BPGM: variants seen among roughly 807,000 people sequenced by gnomAD.
The protein encoded by BPGM is 2,3-bisphosphoglycerate mutase, erythrocyte.
Under a neutral mutation model 21.6 loss-of-function variants are expected in BPGM, and 15 were observed. That is an observed-to-expected ratio of 0.70 (90% CI 0.47 to 1.07). The LOEUF (loss-of-function observed/expected upper bound fraction) is 1.07. Among genes scored for constraint, BPGM ranks in the 50% least tolerant of loss-of-function variants. BPGM has a pLI of 0.00. For missense variants in BPGM, 273 were observed against 319.0 expected, an observed-to-expected ratio of 0.86 and a Z score of 1.10; for synonymous variants, 113 against 116.2, an observed-to-expected ratio of 0.97 and a Z score of 0.18.
intron 2 of BPGM, among the ~76,000 whole-genome samples, chr7:134,672,781 G>A (rs555074115): frequency 1.3e-5 from 2 of 152,270 alleles, no homozygotes; most frequent in South Asian, 4.1e-4. Context: ...GGCCTTAGGA[G>A]CTCTGCCTGC....
At chr7:134,672,327 TAAAGACAAGGG>T (rs1795918138) in intron 2 of BPGM, among the ~76,000 whole-genome samples, 1 of 151,768 alleles carries the variant, frequency 6.6e-6, no homozygotes, top group South Asian at 2.1e-4. Flanking sequence ...GGTGGACCCT[TAAAGACAAGGG>T]TAGCTGTGAA....
intron 2 of BPGM, among the ~76,000 whole-genome samples, chr7:134,667,631 C>T (rs1353452789): frequency 1.3e-5 from 2 of 152,148 alleles, no homozygotes; most frequent in African/African-American, 2.4e-5. Context: ...TTTATATTTC[C>T]TGTAAGCACA....
At chr7:134,662,975 C>T (rs557505567) in intron 2 of BPGM, among the ~76,000 whole-genome samples, 150 of 152,288 alleles carry the variant, frequency 9.8e-4, no homozygotes, top group Non-Finnish European at 1.7e-3. Flanking sequence ...GTGGATTTCT[C>T]GTTTCCCTCT....
At chr7:134,675,032 T>C (rs1020907354) in intron 2 of BPGM, among the ~76,000 whole-genome samples, 9 of 152,214 alleles carry the variant, frequency 5.9e-5, no homozygotes, top group African/African-American at 2.2e-4. Context: ...AGCCTATTTT[T>C]ATGTACTTAT....
chr7:134,655,073 C>T (rs766594810), intron 1 of BPGM, among the ~76,000 whole-genome samples: 2 of 152,176 alleles, frequency 1.3e-5, no homozygotes, highest in African/African-American at 2.4e-5. Context: ...TGATTAAAAT[C>T]GGTACTTAAG....
intron 2 of BPGM, among the ~76,000 whole-genome samples, chr7:134,677,992 A>G (rs1188012146): frequency 2.6e-5 from 4 of 152,240 alleles, no homozygotes; most frequent in Non-Finnish European, 4.4e-5. Context: ...ATGTCATCAT[A>G]TTGCAATGAT....
intron 1 of BPGM, among the ~76,000 whole-genome samples, chr7:134,660,974 C>T (rs976271920): frequency 6.6e-6 from 1 of 152,154 alleles, no homozygotes; most frequent in Non-Finnish European, 1.5e-5. Flanking sequence ...TTAATAACTT[C>T]TATAATAAGA....
At chr7:134,676,020 A>G (rs1033552562) in intron 2 of BPGM, among the ~76,000 whole-genome samples, 6 of 152,206 alleles carry the variant, frequency 3.9e-5, no homozygotes, top group African/African-American at 1.2e-4. Flanking sequence ...CTACTGTATT[A>G]AAAACCCAAT....
At chr7:134,652,409 T>C (rs982137433) in intron 1 of BPGM, among the ~76,000 whole-genome samples, 2 of 152,230 alleles carry the variant, frequency 1.3e-5, no homozygotes, top group Non-Finnish European at 2.9e-5. Context: ...AGATATACAA[T>C]ATGTAATGAT....
At chr7:134,650,582 C>T (rs1336477935) in intron 1 of BPGM, among the ~76,000 whole-genome samples, 1 of 152,152 alleles carries the variant, frequency 6.6e-6, no homozygotes, top group Non-Finnish European at 1.5e-5. Context: ...TGTGTTTGAA[C>T]TTCTAATAGT....
In BPGM at chr7:134,646,869, C is replaced by T. The variant is rs764105628; in HGVS notation, c.-130C>T. On this transcript the variant is annotated 5_prime_UTR_variant, in exon 1 of 3. Transcript: ENST00000344924. ...GGCGGCAGTGATGAGTCCTAGGAGGCGCTGGCTCTTTGGCGGCTCGGAGGA... is the reference window on the plus strand; with the variant it reads ...GGCGGCAGTGATGAGTCCTAGGAGGTGCTGGCTCTTTGGCGGCTCGGAGGA... 5.4e-5 allele frequency: 10 copies of T among 184,604 alleles called. No individual in the cohort carries two copies. The highest frequency in any genetic ancestry group is 1.1e-4 in the Non-Finnish European group (9 of 85,664). The allele number at this position is 184,604 out of a possible 1,614,324, so 11.4% of individuals were successfully genotyped here.
chr7:134,650,135 G>T (rs957332542), intron 1 of BPGM, among the ~76,000 whole-genome samples: 1 of 152,192 alleles, frequency 6.6e-6, no homozygotes, highest in African/African-American at 2.4e-5. Context: ...TCATATCTAG[G>T]TTGTTTTTAC....
intron 1 of BPGM, among the ~76,000 whole-genome samples, chr7:134,650,340 C>G (rs921216727): frequency 6.6e-6 from 1 of 152,174 alleles, no homozygotes; most frequent in Non-Finnish European, 1.5e-5. Flanking sequence ...ATCTCTTCGC[C>G]ATGAGTAGGG....
intron 2 of BPGM, 111 bp from the exon 3 acceptor site, chr7:134,678,742 G>A: frequency 9.3e-7 from 1 of 1,079,656 alleles, no homozygotes. Flanking sequence ...CTCAGTACCT[G>A]CATGTTTCAG....
chr7:134,647,833 G>C (rs1003681483), intron 1 of BPGM, among the ~76,000 whole-genome samples: 1 of 152,028 alleles, frequency 6.6e-6, no homozygotes, highest in Non-Finnish European at 1.5e-5. Flanking sequence ...TCGCTCTGTC[G>C]CCCAGGCTGG....
chr7:134,658,895 T>TTTTTTATTTTTA (rs1417026384), intron 1 of BPGM, among the ~76,000 whole-genome samples: 1 of 151,624 alleles, frequency 6.6e-6, no homozygotes, highest in Non-Finnish European at 1.5e-5. Context: ...TGTGTGTATT[T>TTTTTTATTTTTA]TTTTTTTAGT....
intron 2 of BPGM, among the ~76,000 whole-genome samples, chr7:134,664,950 T>A (rs1265359167): frequency 2.0e-5 from 3 of 152,188 alleles, no homozygotes; most frequent in African/African-American, 7.2e-5. Context: ...GATGGAAGAT[T>A]TTGCAAGTGA....
At chr7:134,655,681 G>C (rs1262220992) in intron 1 of BPGM, among the ~76,000 whole-genome samples, 3 of 152,188 alleles carry the variant, frequency 2.0e-5, no homozygotes, top group Non-Finnish European at 2.9e-5. Flanking sequence ...TTAAGTTAAA[G>C]TTTCCTAACA....
chr7:134,661,469 TA>T lies in BPGM; in HGVS notation c.-38del. 6.2e-7 allele frequency: 1 copy of T among 1,613,718 alleles called. No homozygotes were observed. Among genetic ancestry groups the T allele is most frequent in the South Asian group, 1.1e-5 (1 of 90,886 alleles). On this transcript the variant is annotated 5_prime_UTR_variant, in exon 2 of 3. Transcript: ENST00000344924. This position sits in a 1 kb window ranked among gnomAD's most constrained non-coding sequence, Gnocchi z 4.6. ...TAGATGTATTGCTGTCCTTGAATAT[TA>T]GCCCATTTGAAAACGCCTGGGAAGT... is the stretch of plus-strand genomic sequence containing the variant.
Sources: allele counts gnomAD v4.1 joint callset (sites outside exome capture counted in the v4.1 genomes callset), GRCh38; gene constraint gnomAD v4.1.1; non-coding constraint Gnocchi (gnomAD v3.1); transcripts MANE v1.5; gene names NCBI Gene and HGNC (gene_info 2026-07-23, HGNC 2026-07-21).